Variants in UBXN7 observed in about 807,000 individuals in gnomAD.
UBXN7 encodes UBX domain protein 7.
A neutral mutation model predicts 58.0 loss-of-function variants in UBXN7; 9 were observed. The ratio of observed to expected loss-of-function variants is 0.16; its 90% CI spans 0.09 to 0.27. UBXN7 has a LOEUF of 0.27. Ranked by LOEUF, UBXN7 falls within the 10% of genes least tolerant of loss-of-function variation. The pLI, the probability that UBXN7 is intolerant of heterozygous loss-of-function variation, is 1.00. For synonymous variants in UBXN7, 208 were observed against 205.0 expected, an observed-to-expected ratio of 1.01 and a Z score of -0.12; for missense variants, 328 against 599.6, an observed-to-expected ratio of 0.55 and a Z score of 4.73.
intron 10 of UBXN7, among the ~76,000 whole-genome samples, chr3:196,357,207 T>C (rs926858456): frequency 1.3e-5 from 2 of 152,246 alleles, no homozygotes; most frequent in African/African-American, 4.8e-5. Context: ...TCCTTCATTC[T>C]GCCTACACCC....
At chr3:196,410,557 C>T (rs1730293128) in intron 1 of UBXN7, among the ~76,000 whole-genome samples, 1 of 152,184 alleles carries the variant, frequency 6.6e-6, no homozygotes, top group Non-Finnish European at 1.5e-5. Flanking sequence ...GGCACGGAGG[C>T]TCACGCCTAT....
At chr3:196,393,479 G>A in intron 4 of UBXN7, 75 bp downstream of exon 4, 1 of 1,401,642 alleles carries the variant, frequency 7.1e-7, no homozygotes, top group Admixed American at 2.1e-5. Flanking sequence ...AAGTAATTGG[G>A]CCTAATAGTA....
chr3:196,390,481 C>T (rs547469295), intron 5 of UBXN7, among the ~76,000 whole-genome samples: 2 of 152,238 alleles, frequency 1.3e-5, no homozygotes, highest in African/African-American at 4.8e-5. Flanking sequence ...GTGGCTCACG[C>T]CTGTAATCCC....
intron 3 of UBXN7, among the ~76,000 whole-genome samples, chr3:196,395,265 G>C (rs906829091): frequency 6.6e-6 from 1 of 152,042 alleles, no homozygotes; most frequent in African/African-American, 2.4e-5. Context: ...TTTATATCCA[G>C]AACTACCGAG....
rs1260440858 is a variant in UBXN7, at chr3:196,356,556, G to A, written c.*129C>T. The A allele has an allele frequency of 8.4e-6, 8 of 949,506 alleles. No individual in the cohort carries two copies. Among genetic ancestry groups the A allele is most frequent in the Non-Finnish European group, 1.2e-5 (8 of 642,642 alleles). 58.8% of individuals were successfully genotyped at this position (949,506 alleles called of 1,614,324 possible). On this transcript the variant is annotated 3_prime_UTR_variant, in exon 11 of 11. Coordinates refer to ENST00000296328, the MANE Select transcript of UBXN7 (RefSeq NM_015562.2). ...GATTATAGGAGAGATCAAGAAATAA[G>A]AGAAGGAAGGTGACTTGCTTGCCCA...
chr3:196,403,233 C>G (rs1218341002), intron 2 of UBXN7, among the ~76,000 whole-genome samples: 2 of 152,182 alleles, frequency 1.3e-5, no homozygotes, highest in Non-Finnish European at 2.9e-5. Flanking sequence ...TCTTGGCTCA[C>G]TGCAACCTCC....
In UBXN7 at chr3:196,417,723, TTA is replaced by T. The variant is rs1491479623; in HGVS notation, c.74-10332_74-10331del. ...TTTGAGACCAGTCTGGGCAAAATGG[TTA>T]AAAAAAAAAAAAAAAAAAAAAAAAA... On this transcript the variant is annotated intron_variant, in intron 1 of 10. Transcript: ENST00000296328. 3.1e-3 allele frequency among the ~76,000 whole-genome samples: 245 copies of T among 78,380 alleles called. 5 individuals carry two copies. Among genetic ancestry groups the T allele is most frequent in the South Asian group, 5.6e-3 (12 of 2,148 alleles). The allele number at this position is 78,380 out of a possible 152,430, so 51.4% of individuals were successfully genotyped here. A position where few individuals can be genotyped will look rare whatever the true frequency, so the allele number is the denominator to read the frequency against.
At chr3:196,384,216 C>T (rs1729301888) in intron 5 of UBXN7, among the ~76,000 whole-genome samples, 1 of 152,126 alleles carries the variant, frequency 6.6e-6, no homozygotes, top group Admixed American at 6.6e-5. Context: ...TGGGCAAATT[C>T]CTGGACACAT....
chr3:196,425,733 CCT>C (rs558347506), intron 1 of UBXN7, among the ~76,000 whole-genome samples: 127 of 152,192 alleles, frequency 8.3e-4, no homozygotes, highest in African/African-American at 2.9e-3. Context: ...GATTGTCTCC[CCT>C]CTCTCATCTC....
At chr3:196,415,874 G>A (rs745484169) in intron 1 of UBXN7, among the ~76,000 whole-genome samples, 2 of 151,948 alleles carry the variant, frequency 1.3e-5, no homozygotes, top group Non-Finnish European at 1.5e-5. Context: ...GACTACTTTC[G>A]GCTGCTTGTT....
chr3:196,390,974 G>A (rs1729564952), intron 5 of UBXN7, among the ~76,000 whole-genome samples: 1 of 152,100 alleles, frequency 6.6e-6, no homozygotes, highest in South Asian at 2.1e-4. Context: ...CCCTAAGTAA[G>A]TCTGTAAGTT....
intron 7 of UBXN7, 59 bp from the exon 8 acceptor site, chr3:196,368,214 T>C: frequency 6.6e-7 from 1 of 1,507,494 alleles, no homozygotes; most frequent in South Asian, 1.3e-5. Flanking sequence ...CTTCTGAACA[T>C]TCTCCAGGAT....
At chr3:196,361,464 G>A (rs1394191535) in intron 10 of UBXN7, among the ~76,000 whole-genome samples, 5 of 152,126 alleles carry the variant, frequency 3.3e-5, no homozygotes. Flanking sequence ...TTCTACTGTG[G>A]GTAAAATACT....
rs1257048280 is a variant in UBXN7, at chr3:196,351,214, T to A, written c.*5471A>T. ...AAACCAGGTGTGAATCTTATACAAA[T>A]CAATTTCCCAACAGGCCAGTAAAGT... On this transcript the variant is annotated 3_prime_UTR_variant, in exon 11 of 11. Coordinates refer to ENST00000296328, the MANE Select transcript of UBXN7 (RefSeq NM_015562.2). 1.3e-5 allele frequency: 2 copies of A among 152,174 alleles called. No homozygotes were observed. The highest frequency in any genetic ancestry group is 3.9e-4 in the East Asian group (2 of 5,194). The allele number at this position is 152,174 out of a possible 1,614,324, so 9.4% of individuals were successfully genotyped here.
intron 1 of UBXN7, chr3:196,423,472 G>A: frequency 8.1e-6 from 2 of 246,288 alleles, no homozygotes; most frequent in Non-Finnish European, 1.6e-5. Flanking sequence ...GGCTGTGATG[G>A]GGCTTGGGGT....
intron 5 of UBXN7, among the ~76,000 whole-genome samples, chr3:196,373,305 T>G (rs1486397549): frequency 6.6e-6 from 1 of 152,192 alleles, no homozygotes; most frequent in African/African-American, 2.4e-5. Flanking sequence ...CCCAAACAAC[T>G]CTACGATTCG....
Position 196,349,247 on chromosome 3 carries a change from G to C in UBXN7, c.*7438C>G, listed in dbSNP as rs1314771177. 6.6e-6 allele frequency: 1 copy of C among 152,132 alleles called. No homozygotes were observed. The highest frequency in any genetic ancestry group is 1.5e-5 in the Non-Finnish European group (1 of 68,038). The allele number at this position is 152,132 out of a possible 1,614,324, so 9.4% of individuals were successfully genotyped here. A position where few individuals can be genotyped will look rare whatever the true frequency, so the allele number is the denominator to read the frequency against. On this transcript the variant is annotated 3_prime_UTR_variant, in exon 11 of 11. Coordinates refer to ENST00000296328, the MANE Select transcript of UBXN7 (RefSeq NM_015562.2). The stretch of plus-strand genomic sequence containing the variant: ...AACCCAGGAAAGTAACAAGGCCCAA[G>C]ACCCCACATGGGTCAGATAAGCAGC...
chr3:196,400,256 T>C (rs1171367389), intron 3 of UBXN7: 2 of 152,222 alleles, frequency 1.3e-5, no homozygotes, highest in East Asian at 3.9e-4. Flanking sequence ...GTTTTAACTT[T>C]ACAGACAACC....
intron 5 of UBXN7, among the ~76,000 whole-genome samples, chr3:196,381,653 G>A (rs1350763550): frequency 6.6e-6 from 1 of 152,234 alleles, no homozygotes; most frequent in Non-Finnish European, 1.5e-5. Flanking sequence ...CAAGTTGACA[G>A]AAGTAGTCTT....
Sources: allele counts gnomAD v4.1 joint callset (sites outside exome capture counted in the v4.1 genomes callset), GRCh38; gene constraint gnomAD v4.1.1; transcripts MANE v1.5; gene names NCBI Gene and HGNC (gene_info 2026-07-23, HGNC 2026-07-21).